PGM2: variants seen among roughly 807,000 people sequenced by gnomAD.
PGM2 encodes phosphoglucomutase 2.
In PGM2, 57 loss-of-function variants were observed where a neutral mutation model predicts 74.6. The observed-to-expected ratio is 0.76, with a 90% CI of 0.62 to 0.95. The LOEUF (loss-of-function observed/expected upper bound fraction) is 0.95, where lower values mean the gene tolerates loss of function less well. Among genes scored for constraint, PGM2 ranks in the 40% least tolerant of loss-of-function variants. PGM2 has a pLI of 0.00. For missense variants in PGM2, 706 were observed against 741.9 expected (o/e 0.95, Z 0.56); for synonymous variants, 273 against 260.7 (o/e 1.05, Z -0.46).
In PGM2 at chr4:37,862,639, T is replaced by G. The variant is rs1711816637; in HGVS notation, c.*1027T>G. On this transcript the variant is annotated 3_prime_UTR_variant, in exon 14 of 14. Coordinates refer to ENST00000381967, the MANE Select transcript of PGM2 (RefSeq NM_018290.4). ...GAGCTAGGATCAAACTTTCTTTATA[T>G]ACTTTATATATTTTACATTATTTCT... 6.6e-6 allele frequency: 1 copy of G among 152,284 alleles called. No individual in the cohort carries two copies. The highest frequency in any genetic ancestry group is 1.9e-4 in the East Asian group (1 of 5,190). The allele number at this position is 152,284 out of a possible 1,614,324, so 9.4% of individuals were successfully genotyped here.
At position 37,853,788 on chromosome 4, in the gene PGM2, C is replaced by T. The variant is rs537671549; in HGVS notation, c.1603-1820C>T. Among the ~76,000 whole-genome samples the T allele has an allele frequency of 7.2e-5, 11 of 152,262 alleles. No individual in the cohort carries two copies. In the East Asian group the frequency reaches 9.6e-4, roughly 13 times the overall value. On this transcript the variant is annotated intron_variant, in intron 12 of 13. Transcript: ENST00000381967. ...CAGCCTGAGGACTTCTACTTGATCCCTCTGTTTTCATCATGCCCTGCCCAG... is the reference window on the plus strand; with the variant it reads ...CAGCCTGAGGACTTCTACTTGATCCTTCTGTTTTCATCATGCCCTGCCCAG...
At chr4:37,859,486 G>A (rs995231448) in intron 13 of PGM2, among the ~76,000 whole-genome samples, 1 of 152,150 alleles carries the variant, frequency 6.6e-6, no homozygotes, top group African/African-American at 2.4e-5. Flanking sequence ...ACAGTCTACA[G>A]GTGGAATTCT....
intron 3 of PGM2, among the ~76,000 whole-genome samples, chr4:37,837,013 CAT>C (rs953243961): frequency 2.0e-5 from 3 of 152,214 alleles, no homozygotes; most frequent in African/African-American, 7.2e-5. Flanking sequence ...GCACTGTTGA[CAT>C]GTGACTGCAC....
chr4:37,850,821 T>C (rs1412941491), intron 12 of PGM2, among the ~76,000 whole-genome samples: 3 of 151,688 alleles, frequency 2.0e-5, no homozygotes, highest in Non-Finnish European at 4.4e-5. Flanking sequence ...TGAAACCCCA[T>C]CTCTACTAAA....
intron 6 of PGM2, among the ~76,000 whole-genome samples, chr4:37,840,982 A>G (rs28384356): frequency 0.34 from 48,788 of 141,628 alleles, 10,510 homozygotes; most frequent in African/African-American, 0.62. Context: ...ATATATATAT[A>G]TGTATGTTTT....
intron 12 of PGM2, among the ~76,000 whole-genome samples, chr4:37,851,250 C>G (rs2100042610): frequency 1.3e-5 from 2 of 152,194 alleles, no homozygotes; most frequent in African/African-American, 2.4e-5. Flanking sequence ...CTTTCCGATT[C>G]AGTAGGTCTG....
intron 2 of PGM2, 102 bp from the exon 3 acceptor site, chr4:37,834,507 CCCATAGTGT>C (rs1725514520): frequency 3.4e-6 from 2 of 589,488 alleles, no homozygotes; most frequent in Non-Finnish European, 6.1e-6. Context: ...TTCCCTCTCT[CCCATAGTGT>C]TCTATGAAAT....
rs940008413 is a variant in PGM2, at chr4:37,845,838, A to G, written c.1007+108A>G. 25 of 736,922 alleles carry G rather than the reference A, an allele frequency of 3.4e-5. No homozygotes were observed. The Admixed American group carries it at 5.4e-4, about 16-fold the overall frequency. The allele number at this position is 736,922 out of a possible 1,614,324, so 45.6% of individuals were successfully genotyped here. On this transcript the variant is annotated intron_variant, in intron 8 of 13. Transcript: ENST00000381967. Reference sequence around the variant, plus strand: ...ACCTATTTGGAAACATTTCCCATTTATTTTGCAAATGATCATTTCACTGAA... The same window carrying G: ...ACCTATTTGGAAACATTTCCCATTTGTTTTGCAAATGATCATTTCACTGAA...
At chr4:37,859,770 TTAGCTTAAA>T (rs1711701595) in intron 13 of PGM2, among the ~76,000 whole-genome samples, 1 of 152,212 alleles carries the variant, frequency 6.6e-6, no homozygotes, top group Non-Finnish European at 1.5e-5. Context: ...TACTTGTCGT[TTAGCTTAAA>T]TGTTTTTTCA....
rs201221632 is a variant in PGM2, at chr4:37,844,558, C to A, written c.909+5C>A. The stretch of plus-strand genomic sequence containing the variant: ...GAAGAGGGGAAAGGTGTCTTGGTAA[C>A]CTAATTTTTTTTTAAATTATGAAAT... On this transcript the variant is annotated splice_donor_5th_base_variant and intron_variant, in intron 7 of 13. Coordinates refer to ENST00000381967, the MANE Select transcript of PGM2 (RefSeq NM_018290.4). 1.5e-5 allele frequency: 23 copies of A among 1,565,084 alleles called. 1 individual carries two copies. In the East Asian group the frequency reaches 5.2e-4, roughly 35 times the overall value.
At chr4:37,837,120 C>G (rs1273672103) in intron 3 of PGM2, among the ~76,000 whole-genome samples, 1 of 152,196 alleles carries the variant, frequency 6.6e-6, no homozygotes, top group Non-Finnish European at 1.5e-5. Flanking sequence ...AGTAGCAACT[C>G]TCTCCATTTC....
chr4:37,859,538 A>C (rs1468212000), intron 13 of PGM2, among the ~76,000 whole-genome samples: 2 of 152,164 alleles, frequency 1.3e-5, no homozygotes, highest in African/African-American at 4.8e-5. Flanking sequence ...TTTCAGATAG[A>C]ATCTAGCCCA....
intron 2 of PGM2, among the ~76,000 whole-genome samples, chr4:37,831,297 G>A (rs889856984): frequency 6.6e-6 from 1 of 152,060 alleles, no homozygotes; most frequent in Non-Finnish European, 1.5e-5. Context: ...TTAGAATGGG[G>A]TAAGTATGGG....
At chr4:37,838,372 C>T (rs763054108) in intron 4 of PGM2, among the ~76,000 whole-genome samples, 2 of 152,150 alleles carry the variant, frequency 1.3e-5, no homozygotes, top group Non-Finnish European at 2.9e-5. Flanking sequence ...AGAGCATGCT[C>T]GGCATATTTG....
intron 9 of PGM2, 28 bp downstream of exon 9, chr4:37,847,139 T>G: frequency 6.2e-7 from 1 of 1,605,848 alleles, no homozygotes; most frequent in South Asian, 1.1e-5. Flanking sequence ...CTCACTCATT[T>G]TCCTTTCATC....
Position 37,848,125 on chromosome 4 carries a change from TTAGA to T in PGM2, c.1283-391_1283-388del, listed in dbSNP as rs1378132423. 3.9e-5 allele frequency among the ~76,000 whole-genome samples: 6 copies of T among 152,310 alleles called. No individual in the cohort carries two copies. The South Asian group carries it at 8.3e-4, about 21-fold the overall frequency. ...GGCACTGACCTTAGCCTACAGCAGC[TTAGA>T]TAGATTTAGTTAAGTAATCACACAC... On this transcript the variant is annotated intron_variant, in intron 10 of 13. Coordinates refer to ENST00000381967, the MANE Select transcript of PGM2 (RefSeq NM_018290.4).
chr4:37,840,364 G>A, intron 6 of PGM2, 105 bp downstream of exon 6: 1 of 671,736 alleles, frequency 1.5e-6, no homozygotes, highest in Non-Finnish European at 2.6e-6. Context: ...ATGTACTACA[G>A]CTGCATCTGA....
intron 3 of PGM2, among the ~76,000 whole-genome samples, chr4:37,836,638 A>G (rs1166517545): frequency 1.3e-5 from 2 of 152,204 alleles, no homozygotes; most frequent in Non-Finnish European, 2.9e-5. Flanking sequence ...GGGGAGAGTA[A>G]GAATGATCTG....
chr4:37,840,195 C>T lies in PGM2; in HGVS notation c.655C>T (p.His219Tyr), dbSNP rs1725672323. 2 of 1,612,880 alleles carry T rather than the reference C, an allele frequency of 1.2e-6. No homozygotes were observed. The highest frequency in any genetic ancestry group is 1.3e-5 in the African/African-American group (1 of 75,012). ...TTTAATTGATAGCAGTCCACTTCTC[C>T]ACAATCCGAGTGCTTCCATCAATAA... ...DSLIDSSPLL[H>Y]NPSASINNDY... Residue 219 changes from histidine (H) to tyrosine (Y), a missense_variant, in exon 6 of 14, where the codon CAC becomes TAC. By Grantham distance (83) the His-to-Tyr change is moderately conservative. Coordinates refer to ENST00000381967, the MANE Select transcript of PGM2 (RefSeq NM_018290.4).
Sources: allele counts gnomAD v4.1 joint callset (sites outside exome capture counted in the v4.1 genomes callset), GRCh38; gene constraint gnomAD v4.1.1; transcripts MANE v1.5; gene names NCBI Gene and HGNC (gene_info 2026-07-23, HGNC 2026-07-21).